Variants in KIRREL3 observed in about 807,000 individuals in gnomAD.
KIRREL3 encodes the protein kin of IRRE-like protein 3.
In KIRREL3, 36 loss-of-function variants were observed where a neutral mutation model predicts 89.7. The ratio of observed to expected loss-of-function variants is 0.40; its 90% confidence interval spans 0.31 to 0.53. The LOEUF (loss-of-function observed/expected upper bound fraction) is 0.53, where lower values mean the gene tolerates loss of function less well. Ranked by LOEUF, KIRREL3 falls within the 20% of genes least tolerant of loss-of-function variation. The probability of loss-of-function intolerance (pLI) is 0.49; values close to 1 mark genes in which losing one functional copy is unlikely to be tolerated. For synonymous variants in KIRREL3, 445 were observed against 441.4 expected, an observed-to-expected ratio of 1.01 and a Z score of -0.10; for missense variants, 864 against 1,056.6, an observed-to-expected ratio of 0.82 and a Z score of 2.53.
chr11:126,450,272 TG>T (rs1955988373), intron 7 of KIRREL3, among the ~76,000 whole-genome samples: 1 of 152,110 alleles, frequency 6.6e-6, no homozygotes, highest in African/African-American at 2.4e-5. Flanking sequence ...TGTGTGTGCA[TG>T]TGTGAGCATG....
intron 6 of KIRREL3, among the ~76,000 whole-genome samples, chr11:126,457,252 T>C (rs894824536): frequency 1.2e-4 from 17 of 146,266 alleles, no homozygotes; most frequent in South Asian, 8.7e-4. Flanking sequence ...TATGTGTGTG[T>C]ATGTGTGTAT....
In KIRREL3 at chr11:126,441,247, C is replaced by G. The variant is rs1052822681; in HGVS notation, c.1253-698G>C. Among the ~76,000 whole-genome samples the G allele has an allele frequency of 3.3e-5, 5 of 152,220 alleles. No individual in the cohort carries two copies. The highest frequency in any genetic ancestry group is 7.3e-5 in the Non-Finnish European group (5 of 68,048). ...GTGAGGCCATGGCTCCCAAACTGAC[C>G]CCAATATTATCATATCACAGAGTGT... On this transcript the variant is annotated intron_variant, in intron 10 of 16. Coordinates refer to ENST00000525144, the MANE Select transcript of KIRREL3 (RefSeq NM_032531.4). This position sits in a 1 kb window ranked among gnomAD's most constrained non-coding sequence, Gnocchi z 5.0.
intron 1 of KIRREL3, among the ~76,000 whole-genome samples, chr11:126,804,616 A>G (rs1353847131): frequency 6.6e-6 from 1 of 152,220 alleles, no homozygotes; most frequent in Non-Finnish European, 1.5e-5. Context: ...TAAGTATATG[A>G]GTAAATATCT....
In KIRREL3 at chr11:126,815,628, C is replaced by G. The variant is rs551445872; in HGVS notation, c.55+184827G>C. ...GGCTCACTGCAAGCTCCGCCTCCCACGTTCACGCCATTCTCCTGCCTCAGC... is the reference window on the plus strand; with the variant it reads ...GGCTCACTGCAAGCTCCGCCTCCCAGGTTCACGCCATTCTCCTGCCTCAGC... On this transcript the variant is annotated intron_variant, in intron 1 of 16. Coordinates refer to ENST00000525144, the MANE Select transcript of KIRREL3 (RefSeq NM_032531.4). Among the ~76,000 whole-genome samples the G allele has an allele frequency of 4.6e-5, 7 of 152,158 alleles. No individual in the cohort carries two copies. In the South Asian group the frequency reaches 6.2e-4, roughly 14 times the overall value.
rs1437802711 is a variant in KIRREL3, at chr11:126,736,833, C to T, written c.56-173921G>A. Among the ~76,000 whole-genome samples, 4 of 152,140 alleles carry T rather than the reference C, an allele frequency of 2.6e-5. No individual in the cohort carries two copies. Among genetic ancestry groups the T allele is most frequent in the East Asian group, 1.9e-4 (1 of 5,192 alleles). On this transcript the variant is annotated intron_variant, in intron 1 of 16. Coordinates refer to ENST00000525144, the MANE Select transcript of KIRREL3 (RefSeq NM_032531.4). This position sits in a 1 kb window ranked among gnomAD's most constrained non-coding sequence, Gnocchi z 5.0. ...AGGCTGCTGGGAATCACCATACATC[C>T]CCCACAGTCCTCCCCCACCCTGTGC...
intron 1 of KIRREL3, among the ~76,000 whole-genome samples, chr11:126,665,987 A>G (rs1230720953): frequency 6.6e-6 from 1 of 152,238 alleles, no homozygotes; most frequent in African/African-American, 2.4e-5. Context: ...ATACTGTGTC[A>G]GTCTAAAGCG....
rs532161642 is a variant in KIRREL3, at chr11:126,883,168, G to T, written c.55+117287C>A. Among the ~76,000 whole-genome samples, 26 of 152,260 alleles carry T rather than the reference G, an allele frequency of 1.7e-4. No individual in the cohort carries two copies. The highest frequency in any genetic ancestry group is 6.0e-4 in the African/African-American group (25 of 41,546). On this transcript the variant is annotated intron_variant, in intron 1 of 16. Coordinates refer to ENST00000525144, the MANE Select transcript of KIRREL3 (RefSeq NM_032531.4). The surrounding 1 kb of genome is among the most constrained non-coding windows in gnomAD (Gnocchi z 4.1). ...AATTGAGTCAGATACTGAATCTGGA[G>T]CCTAACTCCTTGGCAGCTGAGCAGG...
Position 126,473,358 on chromosome 11 carries a change from A to T in KIRREL3, c.542T>A (p.Ile181Asn). The change falls in exon 5 of 17, where the codon ATC becomes AAC. Residue 181 changes from isoleucine (I) to asparagine (N), a missense_variant. Coordinates refer to ENST00000525144, the MANE Select transcript of KIRREL3 (RefSeq NM_032531.4). ...HADNAKPAAS[I>N]IWLRKGEVIN... ...GACCTCTCCCTTTCGCAACCAGATG[A>T]TGGAGGCTGCAGGCTTGGCATTGTC... is the stretch of plus-strand genomic sequence containing the variant. The T allele has an allele frequency of 6.5e-7, 1 of 1,533,780 alleles. No homozygotes were observed. Among genetic ancestry groups the T allele is most frequent in the Non-Finnish European group, 8.8e-7 (1 of 1,141,782 alleles).
chr11:126,451,316 GGTT>G (rs1382849176), intron 7 of KIRREL3, among the ~76,000 whole-genome samples: 10 of 145,894 alleles, frequency 6.9e-5, no homozygotes, highest in Non-Finnish European at 1.2e-4. Flanking sequence ...GTGTGCATGT[GGTT>G]GTGTGCATTA....
intron 2 of KIRREL3, chr11:126,549,648 G>A (rs1435364585): frequency 6.6e-6 from 1 of 152,316 alleles, no homozygotes; most frequent in Non-Finnish European, 1.5e-5. Context: ...AAGCCTTTGA[G>A]GCTGGCTGGG....
chr11:126,962,115 C>T (rs1949108349), intron 1 of KIRREL3, among the ~76,000 whole-genome samples: 1 of 152,268 alleles, frequency 6.6e-6, no homozygotes, highest in East Asian at 1.9e-4. Context: ...AACACAACAC[C>T]CATTCTGATT....
chr11:126,767,263 G>T (rs1018169141), intron 1 of KIRREL3, among the ~76,000 whole-genome samples: 1 of 152,322 alleles, frequency 6.6e-6, no homozygotes, highest in Admixed American at 6.5e-5. Flanking sequence ...AAGGCGGAGG[G>T]TGTTTTCTAC....
Position 126,812,343 on chromosome 11 carries a change from G to A in KIRREL3, c.55+188112C>T, listed in dbSNP as rs1951418487. Among the ~76,000 whole-genome samples, 1 of 152,100 alleles carries A rather than the reference G, an allele frequency of 6.6e-6. No individual in the cohort carries two copies. Among genetic ancestry groups the A allele is most frequent in the South Asian group, 2.1e-4 (1 of 4,816 alleles). ...GGGGAAAACGAAGTATGCTCTCCAG[G>A]CTAACCGTTGGTGGTTTAGGCAGAC... On this transcript the variant is annotated intron_variant, in intron 1 of 16. Transcript: ENST00000525144. The surrounding 1 kb of genome is among the most constrained non-coding windows in gnomAD (Gnocchi z 5.2).
intron 1 of KIRREL3, among the ~76,000 whole-genome samples, chr11:126,882,938 T>C (rs1192554262): frequency 6.6e-6 from 1 of 152,212 alleles, no homozygotes; most frequent in African/African-American, 2.4e-5. Flanking sequence ...GACTGTGCAG[T>C]AGAGACAACA....
rs528437007 is a variant in KIRREL3, at chr11:126,527,551, A to C, written c.134-864T>G. Among the ~76,000 whole-genome samples, 3 of 152,308 alleles carry C rather than the reference A, an allele frequency of 2.0e-5. No individual in the cohort carries two copies. In the East Asian group the frequency reaches 5.8e-4, roughly 29 times the overall value. On this transcript the variant is annotated intron_variant, in intron 2 of 16. Coordinates refer to ENST00000525144, the MANE Select transcript of KIRREL3 (RefSeq NM_032531.4). The surrounding 1 kb of genome is among the most constrained non-coding windows in gnomAD (Gnocchi z 4.2). ...GGCACTATTTTTATCCCCATTTTCC[A>C]GATGGGAAAATGAGGCACAGGGAGG...
chr11:126,728,368 G>C (rs12805637), intron 1 of KIRREL3, among the ~76,000 whole-genome samples: 9,176 of 152,192 alleles, frequency 0.06, 464 homozygotes, highest in African/African-American at 0.13. Context: ...TGCCTCTACT[G>C]TGCATGAGAG....
chr11:126,517,798 A>G (rs1958466130), intron 4 of KIRREL3, among the ~76,000 whole-genome samples: 1 of 152,086 alleles, frequency 6.6e-6, no homozygotes, highest in Non-Finnish European at 1.5e-5. Flanking sequence ...ACCACCTCTC[A>G]TTTTACAGAT....
At position 126,521,249 on chromosome 11, in the gene KIRREL3, C is replaced by A; in HGVS notation, c.433+66G>T. On this transcript the variant is annotated intron_variant, in intron 4 of 16. Coordinates refer to ENST00000525144, the MANE Select transcript of KIRREL3 (RefSeq NM_032531.4). This position sits in a 1 kb window ranked among gnomAD's most constrained non-coding sequence, Gnocchi z 4.1. ...CTCCCCATGTCTGACCAAAAAAATA[C>A]CCTCTTGGAGCTGAGCCCTTGGTGC... 1 of 1,431,278 alleles carries A rather than the reference C, an allele frequency of 7.0e-7. No homozygotes were observed. The highest frequency in any genetic ancestry group is 9.2e-7 in the Non-Finnish European group (1 of 1,084,542). The allele number at this position is 1,431,278 out of a possible 1,614,324, so 88.7% of individuals were successfully genotyped here.
At position 126,528,965 on chromosome 11, in the gene KIRREL3, A is replaced by C. The variant is rs1958853683; in HGVS notation, c.134-2278T>G. Among the ~76,000 whole-genome samples the C allele has an allele frequency of 6.6e-6, 1 of 152,194 alleles. No individual in the cohort carries two copies. Among genetic ancestry groups the C allele is most frequent in the Non-Finnish European group, 1.5e-5 (1 of 68,034 alleles). ...TCTTTCTTACAAGAAGGACAGAGTC[A>C]AGGCAGCTGCAGTAACTGCCAAAGA... On this transcript the variant is annotated intron_variant, in intron 2 of 16. Transcript: ENST00000525144. This position sits in a 1 kb window ranked among gnomAD's most constrained non-coding sequence, Gnocchi z 4.6.
Sources: allele counts gnomAD v4.1 joint callset (sites outside exome capture counted in the v4.1 genomes callset), GRCh38; gene constraint gnomAD v4.1.1; non-coding constraint Gnocchi (gnomAD v3.1); transcripts MANE v1.5; gene names NCBI Gene and HGNC (gene_info 2026-07-23, HGNC 2026-07-21).